The following ATAD2B variants were observed in gnomAD, a reference collection of about 807,000 sequenced individuals.
The protein encoded by ATAD2B is ATPase family AAA domain-containing protein 2B.
In ATAD2B, 40 loss-of-function variants were observed where a neutral mutation model predicts 167.6. The observed-to-expected ratio is 0.24, with a 90% CI of 0.19 to 0.31. The LOEUF (loss-of-function observed/expected upper bound fraction) is 0.31, where lower values mean the gene tolerates loss of function less well. ATAD2B is among the 10% of genes least tolerant of loss of function. ATAD2B has a pLI of 1.00. For missense variants in ATAD2B, 1,242 were observed against 1,757.2 expected (o/e 0.71, Z 5.24); for synonymous variants, 579 against 596.5 (o/e 0.97, Z 0.43).
the ATAD2B span, among the ~76,000 whole-genome samples, chr2:23,725,481 G>C: frequency 6.6e-6 from 1 of 152,174 alleles, no homozygotes; most frequent in Non-Finnish European, 1.5e-5. Flanking sequence ...GTCTAGTAGA[G>C]TTTTCAATGT....
chr2:23,716,945 C>T, the ATAD2B span, among the ~76,000 whole-genome samples: 2 of 152,172 alleles, frequency 1.3e-5, no homozygotes, highest in Admixed American at 1.3e-4. Context: ...CTACCTAGAA[C>T]CTGTGCTTGG....
intron 18 of ATAD2B, among the ~76,000 whole-genome samples, chr2:23,799,155 T>C (rs1044965652): frequency 3.3e-5 from 5 of 152,238 alleles, no homozygotes; most frequent in African/African-American, 1.2e-4. Flanking sequence ...TTTCTCATTA[T>C]CTTTAACAAG....
chr2:23,798,375 G>A (rs1682930702), intron 18 of ATAD2B, 52 bp from the exon 19 acceptor site: 1 of 1,378,514 alleles, frequency 7.3e-7, no homozygotes, highest in South Asian at 1.4e-5. Flanking sequence ...TTATTCTAAA[G>A]TCTACCCAGT....
intron 15 of ATAD2B, among the ~76,000 whole-genome samples, chr2:23,825,677 A>C (rs1452855076): frequency 6.6e-6 from 1 of 152,164 alleles, no homozygotes; most frequent in African/African-American, 2.4e-5. Flanking sequence ...CAAACAACAT[A>C]AACAATCACG....
At chr2:23,876,066 T>C (rs932022572) in intron 7 of ATAD2B, among the ~76,000 whole-genome samples, 162 bp from the exon 8 acceptor site, 2 of 152,168 alleles carry the variant, frequency 1.3e-5, no homozygotes, top group African/African-American at 4.8e-5. Context: ...CGATCTCGGC[T>C]CACTGCAACC....
chr2:23,703,729 T>C, the ATAD2B span: 5 of 1,536,446 alleles, frequency 3.3e-6, no homozygotes, highest in Admixed American at 2.0e-5. Context: ...ACAACAAGTA[T>C]GCCCCCGCTG....
intron 22 of ATAD2B, among the ~76,000 whole-genome samples, chr2:23,766,709 C>T (rs1677463105): frequency 6.6e-6 from 1 of 152,174 alleles, no homozygotes; most frequent in Admixed American, 6.6e-5. Flanking sequence ...CAAATCATCT[C>T]TCATACATCC....
At chr2:23,837,445 A>G (rs1361905794) in intron 13 of ATAD2B, among the ~76,000 whole-genome samples, 1 of 152,214 alleles carries the variant, frequency 6.6e-6, no homozygotes, top group African/African-American at 2.4e-5. Context: ...GGCCCCCGCA[A>G]GAGCACAGGG....
chr2:23,789,105 AC>A (rs1681261764), intron 19 of ATAD2B, among the ~76,000 whole-genome samples: 1 of 151,928 alleles, frequency 6.6e-6, no homozygotes, highest in Non-Finnish European at 1.5e-5. Context: ...AGTCTATTTC[AC>A]TGTAATCTCT....
chr2:23,747,676 C>A (rs1301113980), downstream of ATAD2B, among the ~76,000 whole-genome samples: 1 of 152,034 alleles, frequency 6.6e-6, no homozygotes, highest in East Asian at 1.9e-4. Flanking sequence ...ATTCCCCTGG[C>A]AGACTCTAAG....
chr2:23,778,617 TATC>T (rs1448784072), intron 22 of ATAD2B, among the ~76,000 whole-genome samples: 1 of 152,204 alleles, frequency 6.6e-6, no homozygotes, highest in African/African-American at 2.4e-5. Flanking sequence ...ATGGAACTCT[TATC>T]ATGTCCCAGC....
At chr2:23,819,982 TTAA>T in intron 16 of ATAD2B, 100 bp from the exon 17 acceptor site, 1 of 765,454 alleles carries the variant, frequency 1.3e-6, no homozygotes, top group Non-Finnish European at 2.0e-6. Flanking sequence ...TCAAATGACA[TTAA>T]TAAGTTATCT....
chr2:23,847,707 C>T (rs1229034391), intron 13 of ATAD2B, among the ~76,000 whole-genome samples: 1 of 151,436 alleles, frequency 6.6e-6, no homozygotes, highest in Non-Finnish European at 1.5e-5. Flanking sequence ...GTGCTTTCAG[C>T]CAGGTGTGGT....
chr2:23,739,050 C>T, the ATAD2B span, among the ~76,000 whole-genome samples: 1 of 152,140 alleles, frequency 6.6e-6, no homozygotes, highest in Admixed American at 6.5e-5. Context: ...ATTCATAAAG[C>T]AAGTCCTTAA....
chr2:23,812,669 T>C (rs987093895), intron 17 of ATAD2B, among the ~76,000 whole-genome samples: 1 of 152,096 alleles, frequency 6.6e-6, no homozygotes, highest in African/African-American at 2.4e-5. Context: ...AAGGCCATCC[T>C]GGCTAACACG....
intron 13 of ATAD2B, among the ~76,000 whole-genome samples, 161 bp from the exon 14 acceptor site, chr2:23,834,239 G>A (rs1036037011): frequency 7.9e-6 from 1 of 126,818 alleles, no homozygotes; most frequent in Non-Finnish European, 1.5e-5. Context: ...TCGGCTCACT[G>A]CAATCTCCGC....
chr2:23,899,756 A>T (rs1700575943), intron 1 of ATAD2B, among the ~76,000 whole-genome samples: 2 of 151,124 alleles, frequency 1.3e-5, no homozygotes, highest in Admixed American at 1.3e-4. Context: ...ACGCCCAGCT[A>T]ATTTTTGTAT....
the ATAD2B span, among the ~76,000 whole-genome samples, chr2:23,679,930 G>C: frequency 6.6e-6 from 1 of 152,166 alleles, no homozygotes; most frequent in Admixed American, 6.5e-5. Context: ...GAGTGGGGAC[G>C]TGTGTGGGGT....
At chr2:23,833,791 G>T in intron 14 of ATAD2B, 128 bp downstream of exon 14, 1 of 726,140 alleles carries the variant, frequency 1.4e-6, no homozygotes, top group Non-Finnish European at 2.1e-6. Flanking sequence ...GGTTTTTAAA[G>T]CATTAGCTAA....
Sources: allele counts gnomAD v4.1 joint callset (sites outside exome capture counted in the v4.1 genomes callset), GRCh38; gene constraint gnomAD v4.1.1; transcripts MANE v1.5; gene names NCBI Gene and HGNC (gene_info 2026-07-23, HGNC 2026-07-21).